The following CTDP1 variants were observed in gnomAD, a reference collection of about 807,000 sequenced individuals.
CTDP1 encodes the protein CTD phosphatase 1.
Under a neutral mutation model 91.8 loss-of-function variants are expected in CTDP1, and 47 were observed. The ratio of observed to expected loss-of-function variants is 0.51; its 90% confidence interval spans 0.41 to 0.65. The LOEUF is 0.65. CTDP1 is among the 30% of genes least tolerant of loss of function. CTDP1 has a pLI of 0.00. For synonymous variants in CTDP1, 656 were observed against 598.5 expected, an observed-to-expected ratio of 1.10 and a Z score of -1.40; for missense variants, 1,272 against 1,373.7, an observed-to-expected ratio of 0.93 and a Z score of 1.17.
At chr18:79,716,768 T>A (rs1211540758) in intron 8 of CTDP1, among the ~76,000 whole-genome samples, 1 of 152,254 alleles carries the variant, frequency 6.6e-6, no homozygotes, top group Non-Finnish European at 1.5e-5. Context: ...CCCTGAATTG[T>A]GCTCACGTTT....
intron 11 of CTDP1, among the ~76,000 whole-genome samples, chr18:79,731,239 G>A (rs950283869): frequency 6.6e-6 from 1 of 152,210 alleles, no homozygotes; most frequent in African/African-American, 2.4e-5. Flanking sequence ...AGCCCGTCAG[G>A]GGGCCTTTGA....
At position 79,705,121 on chromosome 18, in the gene CTDP1, C is replaced by T. The variant is rs185205159; in HGVS notation, c.772+204C>T. ...TGGGTGGGGCCGCGGCTGCTCTGGC[C>T]GGGTGCGGTACTGGGTGGGCCGCTT... On this transcript the variant is annotated intron_variant, in intron 5 of 12. Coordinates refer to ENST00000613122, the MANE Select transcript of CTDP1 (RefSeq NM_004715.5). Among the ~76,000 whole-genome samples, 227 of 152,210 alleles carry T rather than the reference C, an allele frequency of 1.5e-3. 3 individuals carry two copies. In the East Asian group the frequency reaches 0.018, roughly 12 times the overall value.
Position 79,680,138 on chromosome 18 carries a change from C to G in CTDP1, c.191C>G (p.Ser64Cys), listed in dbSNP as rs1298332354. The G allele has an allele frequency of 2.1e-6, 3 of 1,433,054 alleles. No individual in the cohort carries two copies. Among genetic ancestry groups the G allele is most frequent in the Admixed American group, 2.6e-5 (1 of 39,116 alleles). The allele number at this position is 1,433,054 out of a possible 1,614,324, so 88.8% of individuals were successfully genotyped here. A position where few individuals can be genotyped will look rare whatever the true frequency, so the allele number is the denominator to read the frequency against. ...AAASAQSSGA[S>C]QSRVASGGCV... ...GCCTCCGCGCAGTCCTCCGGGGCCT[C>G]TCAGTCCCGTGTAGCCTCCGGGGGC... The change falls in exon 1 of 13, where the codon TCT becomes TGT. Residue 64 changes from serine to cysteine, a missense_variant. By Grantham distance (112) the Ser-to-Cys change is moderately radical. This residue lies in a region of CTDP1 where 214 missense variants were observed against 179.1 expected (regional missense o/e 1.19). Coordinates refer to ENST00000613122, the MANE Select transcript of CTDP1 (RefSeq NM_004715.5).
chr18:79,710,566 G>T, intron 6 of CTDP1, 130 bp downstream of exon 6: 1 of 722,844 alleles, frequency 1.4e-6, no homozygotes, highest in Non-Finnish European at 2.4e-6. Flanking sequence ...TGTTGCCCAG[G>T]CTAGAGTGCA....
intron 1 of CTDP1, among the ~76,000 whole-genome samples, chr18:79,685,037 C>CGGTTTCTCTGCGGTGCCCCTT (rs1409449004): frequency 7.9e-5 from 12 of 151,442 alleles, no homozygotes; most frequent in Admixed American, 1.3e-4. Flanking sequence ...TCTCTACTCC[C>CGGTTTCTCTGCGGTGCCCCTT]AGTTTCTCTG....
chr18:79,719,341 G>A (rs1222593193), intron 10 of CTDP1, among the ~76,000 whole-genome samples: 4 of 152,114 alleles, frequency 2.6e-5, no homozygotes, highest in African/African-American at 9.7e-5. Flanking sequence ...GTGGCTGCGG[G>A]CAGCTGGGCC....
At chr18:79,703,586 A>G (rs1473802784) in intron 4 of CTDP1, 1 of 152,256 alleles carries the variant, frequency 6.6e-6, no homozygotes, top group Admixed American at 6.5e-5. Flanking sequence ...GATTTCCTTT[A>G]TTCAGTAGCT....
rs536364727 is a variant in CTDP1, at chr18:79,693,121, G to A, written c.315-2104G>A. Among the ~76,000 whole-genome samples, 425 of 152,342 alleles carry A rather than the reference G, an allele frequency of 2.8e-3. 2 individuals are homozygous for A. Among genetic ancestry groups the A allele is most frequent in the Non-Finnish European group, 4.2e-3 (284 of 68,030 alleles). Reference sequence around the variant, plus strand: ...GCGGTAGGGACACAGACTCCTGGGCGGGGATGGCCCCTGTGGCCTCAGCAA... The same window carrying A: ...GCGGTAGGGACACAGACTCCTGGGCAGGGATGGCCCCTGTGGCCTCAGCAA... On this transcript the variant is annotated intron_variant, in intron 1 of 12. Coordinates refer to ENST00000613122, the MANE Select transcript of CTDP1 (RefSeq NM_004715.5).
In CTDP1 at chr18:79,715,062, G is replaced by C. The variant is rs112655649; in HGVS notation, c.1602G>C (p.Glu534Asp). 3.1e-6 allele frequency: 5 copies of C among 1,611,702 alleles called. No individual in the cohort carries two copies. The highest frequency in any genetic ancestry group is 4.2e-6 in the Non-Finnish European group (5 of 1,179,418). The change falls in exon 8 of 13, where the codon GAG becomes GAC. Residue 534 changes from glutamate (E) to aspartate (D), a missense_variant. By Grantham distance (45) the Glu-to-Asp change is conservative. This residue lies in a region of CTDP1 where 881 missense variants were observed against 911.6 expected (regional missense o/e 0.97). Transcript: ENST00000613122. ...AGGAGCCTGAGCTGGGTGGGCAGGA[G>C]GAGGGCGAGCGGGATGGCCTCTGCG... ...PDKEPELGGQEEGERDGLCGL... is the reference protein window; with the variant it reads ...PDKEPELGGQDEGERDGLCGL...
At chr18:79,700,071 T>C (rs2085827066) in intron 4 of CTDP1, among the ~76,000 whole-genome samples, 2 of 152,148 alleles carry the variant, frequency 1.3e-5, no homozygotes, top group Admixed American at 1.3e-4. Flanking sequence ...GGTAGATGTG[T>C]GTGTCCTGAC....
At chr18:79,722,287 T>C (rs895151755) in intron 10 of CTDP1, among the ~76,000 whole-genome samples, 1 of 152,218 alleles carries the variant, frequency 6.6e-6, no homozygotes, top group African/African-American at 2.4e-5. Flanking sequence ...TGTTCTGAAA[T>C]GTGTATAATT....
chr18:79,679,767 C>T (rs2085313899), upstream of CTDP1: 1 of 565,768 alleles, frequency 1.8e-6, no homozygotes, highest in African/African-American at 1.9e-5. Flanking sequence ...TACGCACGTA[C>T]GCGGCGCCCT....
At chr18:79,685,650 G>A (rs1262687313) in intron 1 of CTDP1, 2 of 152,188 alleles carry the variant, frequency 1.3e-5, no homozygotes, top group Non-Finnish European at 2.9e-5. Flanking sequence ...GAATCTCTGA[G>A]AAATAGTAAT....
chr18:79,707,687 C>T (rs534372142), intron 5 of CTDP1, among the ~76,000 whole-genome samples: 174 of 152,274 alleles, frequency 1.1e-3, no homozygotes, highest in Non-Finnish European at 1.9e-3. Flanking sequence ...AGCCCAGCAA[C>T]GCAGGAGGAA....
At position 79,704,916 on chromosome 18, in the gene CTDP1, A is replaced by T. The variant is rs1302991787; in HGVS notation, c.771A>T (p.Ala257=). 1 of 1,612,894 alleles carries T rather than the reference A, an allele frequency of 6.2e-7. No individual in the cohort carries two copies. Among genetic ancestry groups the T allele is most frequent in the Admixed American group, 1.7e-5 (1 of 60,028 alleles). The change falls in exon 5 of 13, where the codon GCA becomes GCT. Residue 257 remains alanine, a splice_region_variant and synonymous_variant. Transcript: ENST00000613122. Reference sequence around the variant, plus strand: ...GCCGGCTGTACGCACACACCATCGCAGGTCAGTCAAGCCGCAGCCGAAGAG... The same window carrying T: ...GCCGGCTGTACGCACACACCATCGCTGGTCAGTCAAGCCGCAGCCGAAGAG... The part of the protein sequence containing the change: ...FGSRLYAHTI[A]GFLDPEKKLF...
intron 1 of CTDP1, among the ~76,000 whole-genome samples, chr18:79,683,751 C>T (rs2085424860): frequency 6.6e-6 from 1 of 152,160 alleles, no homozygotes; most frequent in South Asian, 2.1e-4. Context: ...TGGTGAGGGG[C>T]CTTTGGAGAA....
chr18:79,683,400 A>G (rs2085415778), intron 1 of CTDP1, among the ~76,000 whole-genome samples: 1 of 152,210 alleles, frequency 6.6e-6, no homozygotes, highest in Admixed American at 6.5e-5. Context: ...CAGAATCCAC[A>G]ACTGCTTTTG....
intron 10 of CTDP1, among the ~76,000 whole-genome samples, chr18:79,724,076 T>C (rs2086398063): frequency 6.6e-6 from 1 of 152,236 alleles, no homozygotes; most frequent in Admixed American, 6.5e-5. Flanking sequence ...AAATCCAAAA[T>C]TGGGAATGCT....
intron 3 of CTDP1, among the ~76,000 whole-genome samples, chr18:79,696,615 A>G (rs528690746): frequency 1.7e-4 from 26 of 152,128 alleles, no homozygotes; most frequent in East Asian, 1.2e-3. Flanking sequence ...GAGTGGGCAC[A>G]TGCAGGGGCG....
Sources: gnomAD v4.1 joint callset for allele counts (sites outside exome capture counted in the v4.1 genomes callset) on GRCh38, gnomAD v4.1.1 for gene constraint, gnomAD v4.1.1 regional missense constraint, MANE v1.5 for transcripts, NCBI Gene and HGNC (gene_info 2026-07-23, HGNC 2026-07-21) for gene names.